The following SLC66A1 variants were observed in gnomAD, a reference collection of about 807,000 sequenced individuals.
The protein encoded by SLC66A1 is solute carrier family 66 member 1, also known as lysosomal amino acid transporter 1 homolog.
A neutral mutation model predicts 33.0 loss-of-function variants in SLC66A1; 23 were observed. The observed-to-expected ratio is 0.70, with a 90% CI of 0.50 to 0.99. The LOEUF is 0.99. Among genes scored for constraint, SLC66A1 ranks in the 50% least tolerant of loss-of-function variants. The pLI is 0.00. For missense variants in SLC66A1, 335 were observed against 383.6 expected (o/e 0.87, Z 1.06); for synonymous variants, 164 against 175.5 (o/e 0.93, Z 0.52).
At chr1:19,318,315 A>G (rs908822790) in intron 2 of SLC66A1, among the ~76,000 whole-genome samples, 5 of 152,186 alleles carry the variant, frequency 3.3e-5, no homozygotes, top group African/African-American at 9.7e-5. Context: ...CTCGTGGTGG[A>G]GACAGCAGCA....
Position 19,320,711 on chromosome 1 carries a change from G to GT in SLC66A1, c.164+2870_164+2871insT, listed in dbSNP as rs1389148924. Among the ~76,000 whole-genome samples the GT allele has an allele frequency of 8.5e-4, 126 of 149,094 alleles. 1 individual carries two copies. The highest frequency in any genetic ancestry group is 3.1e-3 in the African/African-American group (119 of 38,932). On this transcript the variant is annotated intron_variant, in intron 2 of 7. Coordinates refer to ENST00000375153, the MANE Select transcript of SLC66A1 (RefSeq NM_001040125.2). Reference sequence around the variant, plus strand: ...ATTACAGGCGTGAGCCACCGCACCTGGCCTCACTTCTTTTTTTTTGAGACG... The same window carrying GT: ...ATTACAGGCGTGAGCCACCGCACCTGTGCCTCACTTCTTTTTTTTTGAGACG...
At position 19,312,452 on chromosome 1, in the gene SLC66A1, C is replaced by G; in HGVS notation, c.-516C>G. The G allele has an allele frequency of 5.6e-6, 1 of 178,234 alleles. No individual in the cohort carries two copies. Among genetic ancestry groups the G allele is most frequent in the Admixed American group, 6.2e-5 (1 of 16,144 alleles). 11.0% of individuals were successfully genotyped at this position (178,234 alleles called of 1,614,324 possible). A position where few individuals can be genotyped will look rare whatever the true frequency, so the allele number is the denominator to read the frequency against. On this transcript the variant is annotated 5_prime_UTR_variant, in exon 1 of 8. Coordinates refer to ENST00000375153, the MANE Select transcript of SLC66A1 (RefSeq NM_001040125.2). ...CATCCTTCCAGCCCTCTCCTCCGGCCGCTGGACTGTCCCGGCTCCTGCGCC... is the reference window on the plus strand; with the variant it reads ...CATCCTTCCAGCCCTCTCCTCCGGCGGCTGGACTGTCCCGGCTCCTGCGCC...
intron 2 of SLC66A1, among the ~76,000 whole-genome samples, chr1:19,318,068 C>T (rs1240051255): frequency 6.6e-6 from 1 of 152,194 alleles, no homozygotes; most frequent in African/African-American, 2.4e-5. Flanking sequence ...TTATTGAGTG[C>T]CCACCATATA....
At chr1:19,321,692 G>A (rs2093838555) in intron 2 of SLC66A1, among the ~76,000 whole-genome samples, 1 of 149,420 alleles carries the variant, frequency 6.7e-6, no homozygotes, top group African/African-American at 2.6e-5. Flanking sequence ...TCAGCCTCCT[G>A]AGTAGCTGGG....
In SLC66A1 at chr1:19,319,755, T is replaced by A. The variant is rs112212071; in HGVS notation, c.164+1914T>A. 6.2e-4 allele frequency among the ~76,000 whole-genome samples: 94 copies of A among 151,312 alleles called. No homozygotes were observed. The South Asian group carries it at 8.0e-3, about 13-fold the overall frequency. On this transcript the variant is annotated intron_variant, in intron 2 of 7. Transcript: ENST00000375153. ...CCATCTCTACTAAAAATACAAAAATTAGCGGGGTGTGGTGGCGCGTGCCTG... is the reference window on the plus strand; with the variant it reads ...CCATCTCTACTAAAAATACAAAAATAAGCGGGGTGTGGTGGCGCGTGCCTG...
At chr1:19,317,505 C>T (rs2151999764) in intron 1 of SLC66A1, 95 bp from the exon 2 acceptor site, 2 of 1,376,776 alleles carry the variant, frequency 1.5e-6, no homozygotes, top group East Asian at 5.1e-5. Context: ...GGGCCAGGAG[C>T]CCCGTGAAAA....
In SLC66A1 at chr1:19,321,169, C is replaced by CTTTTTTT. The variant is rs71577887; in HGVS notation, c.164+3344_164+3350dup. On this transcript the variant is annotated intron_variant, in intron 2 of 7. Coordinates refer to ENST00000375153, the MANE Select transcript of SLC66A1 (RefSeq NM_001040125.2). ...TAACAAAGATTTATCCTTATCTCTTCTTTTTTTTTTTTTTTTTTTTTTGAG... is the reference window on the plus strand; with the variant it reads ...TAACAAAGATTTATCCTTATCTCTTCTTTTTTTTTTTTTTTTTTTTTTTTTTTTTGAG... Among the ~76,000 whole-genome samples the CTTTTTTT allele has an allele frequency of 2.5e-3, 209 of 82,096 alleles. 15 individuals are homozygous for CTTTTTTT. The highest frequency in any genetic ancestry group is 3.3e-3 in the Non-Finnish European group (152 of 46,538). The allele number at this position is 82,096 out of a possible 152,430, so 53.9% of individuals were successfully genotyped here.
chr1:19,313,890 C>T (rs940769453), intron 1 of SLC66A1, among the ~76,000 whole-genome samples: 1 of 152,170 alleles, frequency 6.6e-6, no homozygotes, highest in Non-Finnish European at 1.5e-5. Flanking sequence ...GATGTCATCT[C>T]CAGCCCAACC....
Position 19,326,612 on chromosome 1 carries a change from AT to A in SLC66A1, c.608del (p.Ile203ThrfsTer21). On this transcript the variant is annotated frameshift_variant, in exon 6 of 8. Coordinates refer to ENST00000375153, the MANE Select transcript of SLC66A1 (RefSeq NM_001040125.2). LOFTEE classifies it high-confidence loss of function. ...VLYLLSRLPQ[I>X]RTNFLRKSTQ... Reference sequence around the variant, plus strand: ...GTACCTGCTTTCCCGGCTGCCTCAGATCCGCACCAACGTGAGCCTCCAGCAG... The same window carrying A: ...GTACCTGCTTTCCCGGCTGCCTCAGACCGCACCAACGTGAGCCTCCAGCAG... The A allele has an allele frequency of 6.2e-7, 1 of 1,614,154 alleles. No individual in the cohort carries two copies. Among genetic ancestry groups the A allele is most frequent in the Non-Finnish European group, 8.5e-7 (1 of 1,180,024 alleles).
At chr1:19,332,882 G>A (rs1015051702), downstream of SLC66A1, among the ~76,000 whole-genome samples, 2 of 152,184 alleles carry the variant, frequency 1.3e-5, no homozygotes, top group African/African-American at 2.4e-5. Context: ...TGTCCAGGAA[G>A]GGCTGGCTCC....
At chr1:19,315,752 C>T (rs1480810781) in intron 1 of SLC66A1, among the ~76,000 whole-genome samples, 2 of 152,206 alleles carry the variant, frequency 1.3e-5, no homozygotes, top group Admixed American at 6.5e-5. Context: ...CTCTCTCTCT[C>T]GAGCCACAGA....
rs1480918080 is a variant in SLC66A1 at position 19,328,354 on chromosome 1, G to A, written c.805-218G>A. Among the ~76,000 whole-genome samples, 1 of 152,204 alleles carries A rather than the reference G, an allele frequency of 6.6e-6. No individual in the cohort carries two copies. The highest frequency in any genetic ancestry group is 6.5e-5 in the Admixed American group (1 of 15,282). On this transcript the variant is annotated intron_variant, in intron 7 of 7. Coordinates refer to ENST00000375153, the MANE Select transcript of SLC66A1 (RefSeq NM_001040125.2). This position sits in a 1 kb window ranked among gnomAD's most constrained non-coding sequence, Gnocchi z 4.7. ...AGGAGAAGTCAGTGCTAGGCTTGGAGACAGATGGAGCTTGGCTAGGGCTTG... is the reference window on the plus strand; with the variant it reads ...AGGAGAAGTCAGTGCTAGGCTTGGAAACAGATGGAGCTTGGCTAGGGCTTG...
rs574579293 is a variant in SLC66A1, at chr1:19,320,298, C to T, written c.164+2457C>T. Among the ~76,000 whole-genome samples the T allele has an allele frequency of 7.2e-5, 11 of 152,146 alleles. No homozygotes were observed. In the South Asian group the frequency reaches 2.3e-3, roughly 32 times the overall value. On this transcript the variant is annotated intron_variant, in intron 2 of 7. Transcript: ENST00000375153. ...GGTCCTATGTTAACTCTAAGTTTAG[C>T]CTTTTGAGGATTTGTCAGACTGTTT...
intron 2 of SLC66A1, among the ~76,000 whole-genome samples, chr1:19,322,005 A>G (rs1053589511): frequency 1.3e-5 from 2 of 152,194 alleles, no homozygotes; most frequent in African/African-American, 4.8e-5. Context: ...AAGTAAGCTA[A>G]ACAGACACTG....
At chr1:19,314,268 C>A (rs1391994557) in intron 1 of SLC66A1, among the ~76,000 whole-genome samples, 1 of 152,198 alleles carries the variant, frequency 6.6e-6, no homozygotes, top group African/African-American at 2.4e-5. Flanking sequence ...GGACACCCAC[C>A]CAGTATCCTG....
rs1247436916 is a variant in SLC66A1 at position 19,324,694 on chromosome 1, C to T, written c.226C>T (p.Leu76=). The change falls in exon 3 of 8, where the codon CTG becomes TTG. Residue 76 remains leucine (L), a synonymous_variant. Coordinates refer to ENST00000375153, the MANE Select transcript of SLC66A1 (RefSeq NM_001040125.2). ...MDQALSLWFL[L]GWIGGDSCNL... ...CCAGGCGCTGTCCCTGTGGTTCCTCCTGGGCTGGATTGGCGGAGACTCCTG... is the reference window on the plus strand; with the variant it reads ...CCAGGCGCTGTCCCTGTGGTTCCTCTTGGGCTGGATTGGCGGAGACTCCTG... 1.9e-6 allele frequency: 3 copies of T among 1,614,254 alleles called. No homozygotes were observed. Among genetic ancestry groups the T allele is most frequent in the East Asian group, 4.5e-5 (2 of 44,880 alleles).
At chr1:19,317,270 C>T (rs1211099286) in intron 1 of SLC66A1, among the ~76,000 whole-genome samples, 2 of 152,166 alleles carry the variant, frequency 1.3e-5, no homozygotes, top group Non-Finnish European at 2.9e-5. Context: ...TGTGATGACC[C>T]CATTTACAGA....
At chr1:19,323,435 C>T (rs561182594) in intron 2 of SLC66A1, among the ~76,000 whole-genome samples, 1 of 152,134 alleles carries the variant, frequency 6.6e-6, no homozygotes, top group Non-Finnish European at 1.5e-5. Context: ...GAGACAGGGT[C>T]TTGCTCTGTT....
At chr1:19,313,820 T>C (rs2093790742) in intron 1 of SLC66A1, among the ~76,000 whole-genome samples, 1 of 152,234 alleles carries the variant, frequency 6.6e-6, no homozygotes, top group Non-Finnish European at 1.5e-5. Context: ...GCTGTGATCA[T>C]GTGCCCGAAG....
Sources: gnomAD v4.1 joint callset for allele counts (sites outside exome capture counted in the v4.1 genomes callset) on GRCh38, gnomAD v4.1.1 for gene constraint, Gnocchi (gnomAD v3.1) non-coding constraint, MANE v1.5 for transcripts, NCBI Gene and HGNC (gene_info 2026-07-23, HGNC 2026-07-21) for gene names.